Variants in GRID2 observed in about 807,000 individuals in gnomAD.
GRID2 encodes glutamate receptor ionotropic, delta-2.
A neutral mutation model predicts 114.8 loss-of-function variants in GRID2; 33 were observed. That is an observed-to-expected ratio of 0.29 (90% CI 0.22 to 0.38). GRID2 has a LOEUF of 0.38. GRID2 is among the 10% of genes least tolerant of loss of function. GRID2 has a pLI of 1.00. For synonymous variants in GRID2, 505 were observed against 449.9 expected (o/e 1.12, Z -1.55); for missense variants, 1,184 against 1,257.7 (o/e 0.94, Z 0.89).
intron 2 of GRID2, among the ~76,000 whole-genome samples, chr4:92,845,202 T>A (rs1412378768): frequency 6.6e-6 from 1 of 152,146 alleles, no homozygotes; most frequent in African/African-American, 2.4e-5. Flanking sequence ...GCACTTTGAT[T>A]GATTTTTCTA....
At chr4:93,580,688 G>C (rs548922786) in intron 13 of GRID2, among the ~76,000 whole-genome samples, 15 of 151,940 alleles carry the variant, frequency 9.9e-5, no homozygotes, top group African/African-American at 3.4e-4. Flanking sequence ...ATGGTTAATT[G>C]TCAGAAAACT....
intron 1 of GRID2, among the ~76,000 whole-genome samples, chr4:92,320,621 C>T (rs1726262038): frequency 1.3e-5 from 2 of 151,902 alleles, no homozygotes; most frequent in Non-Finnish European, 2.9e-5. Flanking sequence ...ATTACAGGCA[C>T]ACGCCACCAA....
intron 8 of GRID2, among the ~76,000 whole-genome samples, chr4:93,321,602 C>A (rs1034624988): frequency 6.6e-6 from 1 of 151,914 alleles, no homozygotes; most frequent in African/African-American, 2.4e-5. Flanking sequence ...GAAAAGATTG[C>A]CAATAGTTGA....
Position 93,085,183 on chromosome 4 carries a change from T to A in GRID2, c.433T>A (p.Ser145Thr). 4 of 1,613,944 alleles carry A rather than the reference T, an allele frequency of 2.5e-6. No homozygotes were observed. The highest frequency in any genetic ancestry group is 3.4e-6 in the Non-Finnish European group (4 of 1,179,918). Residue 145 changes from serine (S) to threonine (T), a missense_variant, in exon 3 of 16, where the codon TCA becomes ACA. Physicochemically the swap from Ser to Thr is moderately conservative, Grantham distance 58. This residue lies in a region of GRID2 where 455 missense variants were observed against 429.5 expected (regional missense o/e 1.06). Transcript: ENST00000282020. Reference protein sequence around the residue: ...RSNRNDDYTLSVRPPVYLHDV... With the variant: ...RSNRNDDYTLTVRPPVYLHDV... ...CAACAGGAATGATGACTACACTCTCTCAGTTCGCCCACCTGTCTACTTGCA... is the reference window on the plus strand; with the variant it reads ...CAACAGGAATGATGACTACACTCTCACAGTTCGCCCACCTGTCTACTTGCA...
At chr4:92,542,744 A>G (rs528283370) in intron 1 of GRID2, among the ~76,000 whole-genome samples, 11 of 152,074 alleles carry the variant, frequency 7.2e-5, no homozygotes, top group Non-Finnish European at 1.3e-4. Flanking sequence ...TTTCCATGCA[A>G]CTAAACATAA....
Position 93,017,160 on chromosome 4 carries a change from T to C in GRID2, c.245-67835T>C, listed in dbSNP as rs566363394. On this transcript the variant is annotated intron_variant, in intron 2 of 15. Coordinates refer to ENST00000282020, the MANE Select transcript of GRID2 (RefSeq NM_001510.4). The stretch of plus-strand genomic sequence containing the variant: ...GTAATATTTTGTTTCCCATGGGGAT[T>C]TTTTAAAAAATTTGGGCAAAACCAA... Among the ~76,000 whole-genome samples the C allele has an allele frequency of 1.4e-3, 219 of 152,306 alleles. 1 individual carries two copies. Among genetic ancestry groups the C allele is most frequent in the African/African-American group, 5.2e-3 (216 of 41,562 alleles).
chr4:92,398,320 G>C (rs1256934790), intron 1 of GRID2, among the ~76,000 whole-genome samples: 1 of 152,046 alleles, frequency 6.6e-6, no homozygotes, highest in Non-Finnish European at 1.5e-5. Context: ...TTTGAGACAG[G>C]AATTAATTTG....
intron 13 of GRID2, among the ~76,000 whole-genome samples, chr4:93,620,480 A>G (rs1174821903): frequency 1.3e-5 from 2 of 152,204 alleles, no homozygotes; most frequent in Admixed American, 6.5e-5. Context: ...TGTAGTTAGT[A>G]CAGGAGGCTG....
intron 1 of GRID2, among the ~76,000 whole-genome samples, chr4:92,417,810 T>G (rs939327023): frequency 6.6e-6 from 1 of 152,170 alleles, no homozygotes; most frequent in African/African-American, 2.4e-5. Flanking sequence ...AGGAAGTAAT[T>G]GAATCATGAG....
intron 13 of GRID2, among the ~76,000 whole-genome samples, chr4:93,524,823 G>GTATATATATATATATATA (rs1300787035): frequency 5.0e-5 from 3 of 59,908 alleles, no homozygotes; most frequent in African/African-American, 7.0e-5. Flanking sequence ...ATGTATGTAT[G>GTATATATATATATATATA]TATATATATA....
chr4:93,395,783 A>C, intron 9 of GRID2, 75 bp downstream of exon 9: 3 of 674,024 alleles, frequency 4.5e-6, no homozygotes, highest in South Asian at 1.8e-5. Flanking sequence ...TTATTAACTG[A>C]TGACATAATC....
chr4:92,485,124 G>A (rs1004328547), intron 1 of GRID2, among the ~76,000 whole-genome samples: 6 of 150,560 alleles, frequency 4.0e-5, no homozygotes, highest in South Asian at 2.1e-4. Flanking sequence ...ACTTGAGGAC[G>A]TTTATGGCAA....
At chr4:93,758,459 A>ATTAAAGAGTATT (rs1732944496) in intron 14 of GRID2, among the ~76,000 whole-genome samples, 1 of 152,224 alleles carries the variant, frequency 6.6e-6, no homozygotes, top group African/African-American at 2.4e-5. Context: ...ATTAAAGCCT[A>ATTAAAGAGTATT]CTAGAGTAGT....
At chr4:93,312,534 A>T (rs1220185495) in intron 8 of GRID2, among the ~76,000 whole-genome samples, 2 of 152,208 alleles carry the variant, frequency 1.3e-5, no homozygotes, top group Admixed American at 1.3e-4. Context: ...GATTAATTGT[A>T]AATGCGGAAG....
At chr4:92,921,744 T>G (rs1413473340) in intron 2 of GRID2, among the ~76,000 whole-genome samples, 7 of 152,168 alleles carry the variant, frequency 4.6e-5, no homozygotes, top group Non-Finnish European at 8.8e-5. Context: ...GTGTGAGGTG[T>G]CAGTCTGCCC....
At chr4:92,829,105 AT>A (rs1347188449) in intron 2 of GRID2, among the ~76,000 whole-genome samples, 10 of 152,100 alleles carry the variant, frequency 6.6e-5, no homozygotes, top group Admixed American at 3.9e-4. Flanking sequence ...TATGTCCTGA[AT>A]GGTGTTGTCT....
intron 13 of GRID2, among the ~76,000 whole-genome samples, chr4:93,554,972 G>A (rs1348075930): frequency 6.6e-6 from 1 of 152,138 alleles, no homozygotes; most frequent in African/African-American, 2.4e-5. Context: ...CTGAAGCAGG[G>A]TTGGGCATCA....
At chr4:92,563,805 A>G (rs907824548) in intron 1 of GRID2, among the ~76,000 whole-genome samples, 1 of 152,174 alleles carries the variant, frequency 6.6e-6, no homozygotes, top group African/African-American at 2.4e-5. Context: ...CAACCTACTC[A>G]GTTACCTTTA....
intron 2 of GRID2, among the ~76,000 whole-genome samples, chr4:93,047,896 C>A (rs1726306936): frequency 6.6e-6 from 1 of 151,604 alleles, no homozygotes; most frequent in African/African-American, 2.4e-5. Flanking sequence ...AAAAAACACT[C>A]ATCTAAGGAA....
Sources: gnomAD v4.1 joint callset for allele counts (sites outside exome capture counted in the v4.1 genomes callset) on GRCh38, gnomAD v4.1.1 for gene constraint, gnomAD v4.1.1 regional missense constraint, MANE v1.5 for transcripts, NCBI Gene and HGNC (gene_info 2026-07-23, HGNC 2026-07-21) for gene names.